MARCHF7: variants seen among roughly 807,000 people sequenced by gnomAD.
MARCHF7 encodes the protein E3 ubiquitin-protein ligase MARCHF7.
MARCHF7 carries 20 observed loss-of-function variants against 76.5 expected under a neutral mutation model. The observed-to-expected ratio is 0.26, with a 90% confidence interval of 0.18 to 0.38. The LOEUF (loss-of-function observed/expected upper bound fraction) is 0.38. Ranked by LOEUF, MARCHF7 falls within the 10% of genes least tolerant of loss-of-function variation. The pLI is 1.00. For synonymous variants in MARCHF7, 295 were observed against 293.0 expected (o/e 1.01, Z -0.07); for missense variants, 797 against 812.9 (o/e 0.98, Z 0.24).
chr2:159,741,001 G>A (rs1399301574), intron 4 of MARCHF7, among the ~76,000 whole-genome samples: 2 of 151,992 alleles, frequency 1.3e-5, no homozygotes, highest in African/African-American at 4.8e-5. Context: ...AACATAGTGG[G>A]ACCCCATCTC....
chr2:159,757,787 A>G (rs1445299908), intron 8 of MARCHF7, among the ~76,000 whole-genome samples: 1 of 152,268 alleles, frequency 6.6e-6, no homozygotes, highest in African/African-American at 2.4e-5. Context: ...TCCAAGGTCC[A>G]TATTACATTT....
intron 9 of MARCHF7, among the ~76,000 whole-genome samples, chr2:159,759,776 G>A (rs541026893): frequency 6.6e-6 from 1 of 152,258 alleles, no homozygotes; most frequent in African/African-American, 2.4e-5. Flanking sequence ...AAGATATGCT[G>A]TAAAAGGAAT....
chr2:159,768,700 C>T lies in MARCHF7; in HGVS notation c.*1358C>T, dbSNP rs1349168375. The T allele has an allele frequency of 6.6e-6, 1 of 152,520 alleles. No homozygotes were observed. Among genetic ancestry groups the T allele is most frequent in the Non-Finnish European group, 1.5e-5 (1 of 68,002 alleles). 9.4% of individuals were successfully genotyped at this position (152,520 alleles called of 1,614,324 possible). A position where few individuals can be genotyped will look rare whatever the true frequency, so the allele number is the denominator to read the frequency against. On this transcript the variant is annotated 3_prime_UTR_variant, in exon 12 of 12. Coordinates refer to ENST00000409175, the MANE Select transcript of MARCHF7 (RefSeq NM_001282805.2). ...TAATATAAATGTTCTAAAACATTTG[C>T]TCACCTCTTGCCAGTTACCTTTGCA...
chr2:159,742,920 G>C (rs927634760), intron 4 of MARCHF7, 141 bp from the exon 5 acceptor site: 4 of 739,370 alleles, frequency 5.4e-6, no homozygotes, highest in Non-Finnish European at 6.4e-6. Flanking sequence ...TTGGGCAACA[G>C]AGCAAGACTC....
At chr2:159,733,549 T>TAAAA (rs11432807) in intron 4 of MARCHF7, 1,412 of 944,080 alleles carry the variant, frequency 1.5e-3, no homozygotes, top group South Asian at 2.2e-3. Flanking sequence ...GAGGCAACAT[T>TAAAA]AAAAAAAAAA....
At chr2:159,730,385 G>C (rs979296093) in intron 4 of MARCHF7, among the ~76,000 whole-genome samples, 1 of 152,084 alleles carries the variant, frequency 6.6e-6, no homozygotes, top group East Asian at 1.9e-4. Flanking sequence ...TCTGATATAT[G>C]ACAAAGTCTC....
intron 5 of MARCHF7, among the ~76,000 whole-genome samples, chr2:159,744,661 G>C (rs749881628): frequency 6.6e-6 from 1 of 152,208 alleles, no homozygotes; most frequent in African/African-American, 2.4e-5. Flanking sequence ...TGGGAAAGAC[G>C]TGCCTATCTG....
rs1197647261 is a variant in MARCHF7 at position 159,714,592 on chromosome 2, TTGAA to T, written c.-104_-101del. On this transcript the variant is annotated splice_region_variant and 5_prime_UTR_variant, in exon 2 of 12. It removes an upstream start codon present in the reference 5' UTR. Transcript: ENST00000409175. The stretch of plus-strand genomic sequence containing the variant: ...TTTGTTCCTGTAGCTGAAACATACA[TTGAA>T]TGGTAAGTTAGAGCCCGACATAAAA... The T allele has an allele frequency of 6.6e-6, 1 of 152,294 alleles. No individual in the cohort carries two copies. Among genetic ancestry groups the T allele is most frequent in the East Asian group, 1.9e-4 (1 of 5,188 alleles). The allele number at this position is 152,294 out of a possible 1,614,324, so 9.4% of individuals were successfully genotyped here.
intron 4 of MARCHF7, among the ~76,000 whole-genome samples, chr2:159,732,070 C>G (rs937250003): frequency 6.6e-6 from 1 of 152,106 alleles, no homozygotes; most frequent in African/African-American, 2.4e-5. Flanking sequence ...CGCCACTGCA[C>G]TCTAGCCTGG....
At chr2:159,762,859 C>T (rs1211196828) in intron 9 of MARCHF7, 21 bp from the exon 10 acceptor site, 3 of 1,481,424 alleles carry the variant, frequency 2.0e-6, no homozygotes, top group Non-Finnish European at 1.9e-6. Context: ...TTCTTTTCTC[C>T]TGTTTGCTTC....
intron 3 of MARCHF7, among the ~76,000 whole-genome samples, chr2:159,724,734 C>A (rs1467165200): frequency 6.6e-6 from 1 of 152,078 alleles, no homozygotes; most frequent in Non-Finnish European, 1.5e-5. Context: ...GCACAACATG[C>A]AGATTTGTTA....
rs755211749 is a variant in MARCHF7, at chr2:159,762,970, A to G, written c.1984A>G (p.Asn662Asp). The G allele has an allele frequency of 5.6e-6, 9 of 1,612,488 alleles. No individual in the cohort carries two copies. The highest frequency in any genetic ancestry group is 4.4e-5 in the South Asian group (4 of 90,858). ...CTTTTCTGATATGATGGGAAATACA[A>G]ATGAACCAAGCACACGTGTCCGAGT... ...QSFSDMMGNT[N>D]EPSTRVRFIN... The change falls in exon 10 of 12, where the codon AAT becomes GAT. Residue 662 changes from asparagine to aspartate, a missense_variant. Around this residue, in one of 3 missense-constraint regions of MARCHF7, gnomAD observed 124 missense variants for 121.3 expected, o/e 1.02. Transcript: ENST00000409175.
intron 9 of MARCHF7, among the ~76,000 whole-genome samples, chr2:159,761,505 C>G (rs1410246104): frequency 1.4e-5 from 2 of 147,126 alleles, no homozygotes; most frequent in African/African-American, 2.5e-5. Context: ...ACCTCCACCT[C>G]CCGGGTTCAA....
At chr2:159,764,287 G>T (rs1462421048) in intron 10 of MARCHF7, among the ~76,000 whole-genome samples, 1 of 149,810 alleles carries the variant, frequency 6.7e-6, no homozygotes, top group South Asian at 2.1e-4. Flanking sequence ...ATTTATTTGG[G>T]TCCAAATACA....
chr2:159,717,584 T>C (rs1249353180), intron 3 of MARCHF7, among the ~76,000 whole-genome samples: 1 of 152,228 alleles, frequency 6.6e-6, no homozygotes, highest in Non-Finnish European at 1.5e-5. Context: ...ATCTTTCACT[T>C]AGTCTTTACT....
At chr2:159,730,001 A>G (rs1031227965) in intron 4 of MARCHF7, among the ~76,000 whole-genome samples, 2 of 152,222 alleles carry the variant, frequency 1.3e-5, no homozygotes, top group African/African-American at 4.8e-5. Context: ...TTTGATTTTT[A>G]TGGTGAGTAA....
chr2:159,740,310 CTG>C (rs1205169706), intron 4 of MARCHF7, among the ~76,000 whole-genome samples: 4 of 152,080 alleles, frequency 2.6e-5, no homozygotes, highest in African/African-American at 7.2e-5. Flanking sequence ...TTTATGCAGT[CTG>C]TGCAAAATGA....
chr2:159,766,748 T>A (rs975939060), intron 11 of MARCHF7, among the ~76,000 whole-genome samples: 14 of 152,214 alleles, frequency 9.2e-5, no homozygotes, highest in African/African-American at 3.4e-4. Context: ...AGGCTGTGTC[T>A]ATATGAAGCT....
chr2:159,767,207 G>A, intron 11 of MARCHF7, 77 bp from the exon 12 acceptor site: 2 of 1,029,370 alleles, frequency 1.9e-6, no homozygotes, highest in East Asian at 2.4e-5. Flanking sequence ...AGTCATTGCT[G>A]TTCTGGCTTC....
Sources: allele counts gnomAD v4.1 joint callset (sites outside exome capture counted in the v4.1 genomes callset), GRCh38; gene constraint gnomAD v4.1.1; regional missense constraint gnomAD v4.1.1; transcripts MANE v1.5; gene names NCBI Gene and HGNC (gene_info 2026-07-23, HGNC 2026-07-21).